CREBBP: variants seen among roughly 807,000 people sequenced by gnomAD.
CREBBP encodes the protein CREB binding lysine acetyltransferase.
In CREBBP, 19 loss-of-function variants were observed where a neutral mutation model predicts 265.0. That is an observed-to-expected ratio of 0.07 (90% CI 0.05 to 0.11). The LOEUF is 0.11. CREBBP is among the 10% of genes least tolerant of loss of function. The pLI is 1.00. For missense variants in CREBBP, 2,525 were observed against 3,219.0 expected, an observed-to-expected ratio of 0.78 and a Z score of 5.22; for synonymous variants, 1,457 against 1,223.7, an observed-to-expected ratio of 1.19 and a Z score of -3.98.
chr16:3,780,324 T>C (rs1193052010), intron 8 of CREBBP, among the ~76,000 whole-genome samples: 1 of 151,736 alleles, frequency 6.6e-6, no homozygotes, highest in Non-Finnish European at 1.5e-5. Flanking sequence ...ATGCCATCTA[T>C]ACTCTAAACT....
intron 2 of CREBBP, among the ~76,000 whole-genome samples, chr16:3,834,777 C>T (rs1305095609): frequency 6.6e-6 from 1 of 152,130 alleles, no homozygotes; most frequent in Admixed American, 6.5e-5. Flanking sequence ...AGACTATGAA[C>T]TAGGAGAACA....
At chr16:3,748,233 G>A (rs1456972845) in intron 21 of CREBBP, among the ~76,000 whole-genome samples, 3 of 151,932 alleles carry the variant, frequency 2.0e-5, no homozygotes, top group South Asian at 2.1e-4. Flanking sequence ...AGCCGAGATC[G>A]CGCCACTGCA....
intron 1 of CREBBP, 119 bp downstream of exon 1, chr16:3,879,712 CG>C: frequency 9.4e-7 from 1 of 1,069,052 alleles, no homozygotes; most frequent in Non-Finnish European, 1.4e-6. Flanking sequence ...GAACGGGCTG[CG>C]GGGCCTGCTC....
At chr16:3,738,028 C>T (rs1275358017) in intron 26 of CREBBP, among the ~76,000 whole-genome samples, 2 of 151,382 alleles carry the variant, frequency 1.3e-5, no homozygotes, top group African/African-American at 2.4e-5. Context: ...CCTTGTGATC[C>T]GCCCGCCTCG....
chr16:3,873,353 T>A (rs2055337921), intron 1 of CREBBP, among the ~76,000 whole-genome samples: 1 of 152,134 alleles, frequency 6.6e-6, no homozygotes, highest in Non-Finnish European at 1.5e-5. Context: ...AAAAATACAA[T>A]AAAAAATGGA....
intron 3 of CREBBP, among the ~76,000 whole-genome samples, chr16:3,796,161 C>G (rs1481335666): frequency 6.6e-6 from 1 of 152,124 alleles, no homozygotes; most frequent in African/African-American, 2.4e-5. Flanking sequence ...AAAAATTAGG[C>G]AAAAAATTTA....
rs2051848758 is a variant in CREBBP at position 3,729,375 on chromosome 16, C to T, written c.5672G>A (p.Gly1891Glu). The T allele has an allele frequency of 6.2e-7, 1 of 1,608,888 alleles. No individual in the cohort carries two copies. The highest frequency in any genetic ancestry group is 8.5e-7 in the Non-Finnish European group (1 of 1,179,552). The change falls in exon 31 of 31, where the codon GGG becomes GAG. Residue 1891 changes from glycine (G) to glutamate (E), a missense_variant. Transcript: ENST00000262367. Reference sequence around the variant, plus strand: ...TGTGCTGGGCTGCTGTGTGGGGGTCCCGGGCGGTGCTGAGGTAGGAGAAGG... The same window carrying T: ...TGTGCTGGGCTGCTGTGTGGGGGTCTCGGGCGGTGCTGAGGTAGGAGAAGG... ...SLPSPTSAPP[G>E]TPTQQPSTPQ...
In CREBBP at chr16:3,773,800, G is replaced by A. The variant is rs1260458096; in HGVS notation, c.2414C>T (p.Ala805Val). Residue 805 changes from alanine (A) to valine (V), a missense_variant, in exon 13 of 31, where the codon GCG becomes GTG. By Grantham distance (64) the Ala-to-Val change is moderately conservative. Coordinates refer to ENST00000262367, the MANE Select transcript of CREBBP (RefSeq NM_004380.3). ...CGGCTGCCCCATGCCCACACTCATCGCCCCGCTGGATGACGGGAACTGGTT... is the reference window on the plus strand; with the variant it reads ...CGGCTGCCCCATGCCCACACTCATCACCCCGCTGGATGACGGGAACTGGTT... ...PQNQFPSSSG[A>V]MSVGMGQPPA... 9.3e-6 allele frequency: 15 copies of A among 1,613,532 alleles called. No individual in the cohort carries two copies. Among genetic ancestry groups the A allele is most frequent in the East Asian group, 2.2e-5 (1 of 44,894 alleles).
intron 11 of CREBBP, among the ~76,000 whole-genome samples, chr16:3,776,734 C>T (rs756439167): frequency 1.3e-5 from 2 of 152,058 alleles, no homozygotes; most frequent in Non-Finnish European, 2.9e-5. Context: ...AAAAGCTGGC[C>T]GGGTGCAGTG....
chr16:3,856,718 C>T (rs965631305), intron 1 of CREBBP, among the ~76,000 whole-genome samples: 23 of 152,348 alleles, frequency 1.5e-4, no homozygotes, highest in African/African-American at 5.3e-4. Context: ...TAGAGATCAG[C>T]TCTCCTTCCT....
chr16:3,779,244 G>C (rs535412657), intron 8 of CREBBP, among the ~76,000 whole-genome samples: 2 of 151,630 alleles, frequency 1.3e-5, no homozygotes, highest in East Asian at 3.9e-4. Flanking sequence ...CATGATCATA[G>C]CTCACTGCAA....
intron 27 of CREBBP, chr16:3,736,404 T>C: frequency 1.3e-6 from 1 of 745,908 alleles, no homozygotes; most frequent in Non-Finnish European, 2.2e-6. Context: ...TGTGCAACAG[T>C]GATGCACAGG....
At chr16:3,827,003 T>G (rs1442453372) in intron 2 of CREBBP, among the ~76,000 whole-genome samples, 3 of 152,188 alleles carry the variant, frequency 2.0e-5, no homozygotes. Context: ...GTTCTCAACA[T>G]AGAGTCTACT....
intron 2 of CREBBP, among the ~76,000 whole-genome samples, chr16:3,829,559 G>T (rs551553086): frequency 6.6e-5 from 10 of 152,296 alleles, no homozygotes; most frequent in African/African-American, 2.2e-4. Flanking sequence ...GGAGTTTCAA[G>T]ATCTTGCTGA....
At chr16:3,737,856 A>C (rs532256031) in intron 26 of CREBBP, among the ~76,000 whole-genome samples, 1 of 151,644 alleles carries the variant, frequency 6.6e-6, no homozygotes, top group African/African-American at 2.4e-5. Flanking sequence ...GCACAATCTC[A>C]GCTCACTGCA....
At chr16:3,775,662 AT>A (rs2053120825) in intron 11 of CREBBP, among the ~76,000 whole-genome samples, 1 of 152,194 alleles carries the variant, frequency 6.6e-6, no homozygotes, top group South Asian at 2.1e-4. Flanking sequence ...CTCCTTGAGA[AT>A]TTTTTTAAAC....
Position 3,834,556 on chromosome 16 carries a change from C to T in CREBBP, c.798+15741G>A, listed in dbSNP as rs186734946. 6.4e-4 allele frequency among the ~76,000 whole-genome samples: 98 copies of T among 152,220 alleles called. No homozygotes were observed. The East Asian group carries it at 7.7e-3, about 12-fold the overall frequency. ...GAGGGATGAAGAGGTGAAACACAGA[C>T]GGCTTTTAGGGCAGTGAAAATACTC... On this transcript the variant is annotated intron_variant, in intron 2 of 30. Coordinates refer to ENST00000262367, the MANE Select transcript of CREBBP (RefSeq NM_004380.3).
intron 21 of CREBBP, among the ~76,000 whole-genome samples, chr16:3,748,719 T>C (rs1443236310): frequency 6.6e-6 from 1 of 152,084 alleles, no homozygotes; most frequent in East Asian, 1.9e-4. Flanking sequence ...CCATGCCAAT[T>C]TGGAGCGCCC....
At chr16:3,846,781 T>C (rs2054676933) in intron 2 of CREBBP, among the ~76,000 whole-genome samples, 1 of 152,190 alleles carries the variant, frequency 6.6e-6, no homozygotes, top group Admixed American at 6.5e-5. Context: ...CACACCCCTC[T>C]CTCTACGCCT....
Sources: gnomAD v4.1 joint callset for allele counts (sites outside exome capture counted in the v4.1 genomes callset) on GRCh38, gnomAD v4.1.1 for gene constraint, MANE v1.5 for transcripts, NCBI Gene and HGNC (gene_info 2026-07-23, HGNC 2026-07-21) for gene names.